Variants in ABCA13 observed in about 807,000 individuals in gnomAD.
The protein encoded by ABCA13 is ATP binding cassette subfamily A member 13.
ABCA13 carries 476 observed loss-of-function variants against 478.7 expected under a neutral mutation model. That is an observed-to-expected ratio of 0.99 (90% CI 0.92 to 1.07). The LOEUF is 1.07. Ranked by LOEUF, ABCA13 falls within the 50% of genes least tolerant of loss-of-function variation. The pLI, the probability that ABCA13 is intolerant of heterozygous loss-of-function variation, is 0.00. For synonymous variants in ABCA13, 2,252 were observed against 2,158.9 expected (o/e 1.04, Z -1.20); for missense variants, 6,060 against 5,910.6 (o/e 1.03, Z -0.83).
intron 45 of ABCA13, among the ~76,000 whole-genome samples, chr7:48,480,003 C>T (rs1051637288): frequency 9.9e-5 from 15 of 152,124 alleles, no homozygotes; most frequent in South Asian, 4.1e-4. Context: ...TATGGATTTT[C>T]GAATAAACAT....
chr7:48,370,649 A>G (rs537514776), intron 32 of ABCA13, among the ~76,000 whole-genome samples: 10 of 152,314 alleles, frequency 6.6e-5, no homozygotes, highest in African/African-American at 2.4e-4. Flanking sequence ...TGTTGGGTCA[A>G]GAATGAAATC....
intron 3 of ABCA13, among the ~76,000 whole-genome samples, chr7:48,217,716 G>A (rs1466924033): frequency 6.6e-6 from 1 of 152,180 alleles, no homozygotes; most frequent in African/African-American, 2.4e-5. Flanking sequence ...AGAATTGCAA[G>A]GATGTCTCTA....
At chr7:48,306,151 G>GTGC (rs1004990162) in intron 23 of ABCA13, among the ~76,000 whole-genome samples, 3 of 152,228 alleles carry the variant, frequency 2.0e-5, no homozygotes, top group Admixed American at 1.3e-4. Context: ...GGGAGCAAAT[G>GTGC]TGCTGCTGGG....
chr7:48,456,341 G>C (rs146102460), intron 43 of ABCA13, among the ~76,000 whole-genome samples: 7 of 152,308 alleles, frequency 4.6e-5, no homozygotes, highest in African/African-American at 1.7e-4. Flanking sequence ...CATGGACAAA[G>C]TAAAAATCTA....
intron 29 of ABCA13, among the ~76,000 whole-genome samples, chr7:48,346,356 T>TA (rs1402039398): frequency 6.6e-6 from 1 of 152,094 alleles, no homozygotes; most frequent in Non-Finnish European, 1.5e-5. Context: ...ACATCTGCTG[T>TA]TTTATGCAGT....
intron 31 of ABCA13, among the ~76,000 whole-genome samples, chr7:48,357,168 CT>C (rs1247234463): frequency 1.3e-5 from 2 of 151,678 alleles, no homozygotes; most frequent in Admixed American, 1.3e-4. Context: ...TGAATTCCTG[CT>C]TAAAAAAAAA....
chr7:48,474,375 T>A (rs547594719), intron 45 of ABCA13, among the ~76,000 whole-genome samples: 10 of 152,252 alleles, frequency 6.6e-5, no homozygotes, highest in African/African-American at 9.6e-5. Flanking sequence ...AGAGAGAAAT[T>A]AGGTTCTCTC....
intron 8 of ABCA13, among the ~76,000 whole-genome samples, chr7:48,235,889 A>G (rs1789879649): frequency 6.6e-6 from 1 of 152,142 alleles, no homozygotes; most frequent in South Asian, 2.1e-4. Flanking sequence ...GATAATAAAT[A>G]CTTTATTATA....
At chr7:48,468,246 C>A (rs1827103462) in intron 44 of ABCA13, among the ~76,000 whole-genome samples, 1 of 152,166 alleles carries the variant, frequency 6.6e-6, no homozygotes. Flanking sequence ...ACTTCCAGTT[C>A]CTTTTACATG....
intron 23 of ABCA13, among the ~76,000 whole-genome samples, chr7:48,308,825 G>A (rs948158939): frequency 6.6e-6 from 1 of 150,894 alleles, no homozygotes; most frequent in South Asian, 2.1e-4. Flanking sequence ...ACTTACCACT[G>A]TGTGACAACT....
At chr7:48,193,890 C>A (rs151081350) in intron 2 of ABCA13, among the ~76,000 whole-genome samples, 144,682 of 146,274 alleles carry the variant, frequency 0.99, 71,545 homozygotes, top group Middle Eastern at 1. Context: ...TAACCGTGAT[C>A]ATGATGAGGG....
chr7:48,230,556 A>T (rs978917034), intron 7 of ABCA13, among the ~76,000 whole-genome samples: 1 of 152,224 alleles, frequency 6.6e-6, no homozygotes. Context: ...AGAGAACAAC[A>T]AAGTTGGAAT....
chr7:48,404,271 A>G (rs1817985466), intron 39 of ABCA13: 1 of 252,938 alleles, frequency 4.0e-6, no homozygotes, highest in Admixed American at 5.0e-5. Context: ...ATTTACTTGT[A>G]GCTACAGAGA....
At chr7:48,469,098 T>C (rs760244254) in intron 44 of ABCA13, among the ~76,000 whole-genome samples, 24 of 152,258 alleles carry the variant, frequency 1.6e-4, no homozygotes, top group Non-Finnish European at 2.9e-4. Context: ...TTCTTGTTAA[T>C]GGTTTAGTAC....
At chr7:48,421,624 C>T (rs1016728637) in intron 41 of ABCA13, among the ~76,000 whole-genome samples, 2 of 152,156 alleles carry the variant, frequency 1.3e-5, no homozygotes, top group Admixed American at 1.3e-4. Context: ...CCATTCTTTC[C>T]CAGCCCTGGC....
chr7:48,528,413 T>G, intron 55 of ABCA13, 68 bp downstream of exon 55: 1 of 1,076,512 alleles, frequency 9.3e-7, no homozygotes, highest in East Asian at 2.8e-5. Context: ...CCCAGCATTT[T>G]CCCTCAGTCC....
At chr7:48,535,970 G>T (rs1278631398) in intron 55 of ABCA13, among the ~76,000 whole-genome samples, 2 of 152,176 alleles carry the variant, frequency 1.3e-5, no homozygotes, top group Non-Finnish European at 2.9e-5. Context: ...TGGACTCATG[G>T]TTTTCCGATG....
intron 29 of ABCA13, among the ~76,000 whole-genome samples, chr7:48,346,650 T>C (rs539898524): frequency 4.8e-4 from 73 of 152,346 alleles, no homozygotes; most frequent in Admixed American, 1.1e-3. Context: ...TACATGATAA[T>C]AGTTAGCACT....
At chr7:48,197,852 A>AT (rs1329196918) in intron 2 of ABCA13, among the ~76,000 whole-genome samples, 12 of 152,280 alleles carry the variant, frequency 7.9e-5, no homozygotes, top group Non-Finnish European at 1.5e-4. Flanking sequence ...AAACTCCTAC[A>AT]TTTTTATATG....
Sources: allele counts gnomAD v4.1 joint callset (sites outside exome capture counted in the v4.1 genomes callset), GRCh38; gene constraint gnomAD v4.1.1; transcripts MANE v1.5; gene names NCBI Gene and HGNC (gene_info 2026-07-23, HGNC 2026-07-21).